CDCA4: variants seen among roughly 807,000 people sequenced by gnomAD.
The protein encoded by CDCA4 is cell division cycle associated 4, also known as cell division cycle-associated protein 4.
For missense variants in CDCA4, 294 were observed against 322.1 expected (o/e 0.91, Z 0.67); for synonymous variants, 130 against 137.0 (o/e 0.95, Z 0.36).
chr14:105,014,443 G>T (rs1485344111), intron 1 of CDCA4, among the ~76,000 whole-genome samples: 1 of 152,106 alleles, frequency 6.6e-6, no homozygotes, highest in Non-Finnish European at 1.5e-5. Flanking sequence ...TTCCCCTACA[G>T]CACCCATTTC....
At position 105,010,143 on chromosome 14, in the gene CDCA4, C is replaced by T. The variant is rs576869829; in HGVS notation, c.*1061G>A. The T allele has an allele frequency of 1.3e-5, 2 of 152,764 alleles. No homozygotes were observed. The highest frequency in any genetic ancestry group is 2.1e-4 in the South Asian group (1 of 4,832). The allele number at this position is 152,764 out of a possible 1,614,324, so 9.5% of individuals were successfully genotyped here. A position where few individuals can be genotyped will look rare whatever the true frequency, so the allele number is the denominator to read the frequency against. On this transcript the variant is annotated 3_prime_UTR_variant, in exon 2 of 2. Transcript: ENST00000336219. ...GCTCACTCCCTGCCTGCGGCAGCAC[C>T]CATGACACTACAGATCAAGGGGTTA...
At position 105,011,690 on chromosome 14, in the gene CDCA4, G is replaced by T. The variant is rs756663547; in HGVS notation, c.240C>A (p.Arg80=). ...GCTCTGCAGCCTGGGGTGCCACTGT[G>T]CGCCACGTCCCATCCTGCGTCATCT... ...QEEMTQDGTW[R]TVAPQAAERA... Residue 80 remains arginine (R), a synonymous_variant, in exon 2 of 2, where the codon CGC becomes CGA. Coordinates refer to ENST00000336219, the MANE Select transcript of CDCA4 (RefSeq NM_017955.4). The T allele has an allele frequency of 5.6e-6, 9 of 1,613,696 alleles. No homozygotes were observed. The highest frequency in any genetic ancestry group is 6.8e-6 in the Non-Finnish European group (8 of 1,179,982).
At chr14:105,012,148 C>T (rs2140908303) in intron 1 of CDCA4, among the ~76,000 whole-genome samples, 1 of 152,352 alleles carries the variant, frequency 6.6e-6, no homozygotes, top group South Asian at 2.1e-4. Flanking sequence ...CTGCCTAAGC[C>T]AGGCACAGTC....
At chr14:105,020,292 T>C (rs748684685) in intron 1 of CDCA4, among the ~76,000 whole-genome samples, 29 of 152,210 alleles carry the variant, frequency 1.9e-4, no homozygotes, top group African/African-American at 1.7e-4. Flanking sequence ...AGAGAACGGT[T>C]ATCTGGGTCC....
chr14:105,011,739 T>C lies in CDCA4; in HGVS notation c.191A>G (p.Asn64Ser), dbSNP rs1345604345. The change falls in exon 2 of 2, where the codon AAC (asparagine) becomes AGC (serine). Residue 64 changes from asparagine to serine, a missense_variant. Transcript: ENST00000336219. ...CTCCTCTTGGATCTGCCGGACCGTG[T>C]TGGCAATGAGGACTGAGCGGCACAG... ...PNLCRSVLIA[N>S]TVRQIQEEMT... The C allele has an allele frequency of 1.9e-6, 3 of 1,613,724 alleles. No individual in the cohort carries two copies. Among genetic ancestry groups the C allele is most frequent in the Admixed American group, 1.7e-5 (1 of 60,022 alleles).
In CDCA4 at chr14:105,011,657, C is replaced by A; in HGVS notation, c.273G>T (p.Pro91=). The A allele has an allele frequency of 6.2e-7, 1 of 1,613,500 alleles. No homozygotes were observed. Among genetic ancestry groups the A allele is most frequent in the East Asian group, 2.2e-5 (1 of 44,850 alleles). The change falls in exon 2 of 2, where the codon CCG becomes CCT. Residue 91 remains proline, a synonymous_variant. Coordinates refer to ENST00000336219, the MANE Select transcript of CDCA4 (RefSeq NM_017955.4). ...TCTCCGTGGAGACCAAGCGGTCGAG[C>A]GGCGCCCGCTCTGCAGCCTGGGGTG... ...TVAPQAAERA[P]LDRLVSTEIL...
At chr14:105,014,825 C>A (rs966034640) in intron 1 of CDCA4, among the ~76,000 whole-genome samples, 1 of 152,142 alleles carries the variant, frequency 6.6e-6, no homozygotes, top group Non-Finnish European at 1.5e-5. Flanking sequence ...CTCTTTCAAC[C>A]TATCTCAATC....
At chr14:105,012,051 G>T (rs1900521338) in intron 1 of CDCA4, 116 bp from the exon 2 acceptor site, 2 of 1,220,930 alleles carry the variant, frequency 1.6e-6, no homozygotes, top group African/African-American at 1.5e-5. Context: ...TCCGTAACTG[G>T]CAGGGACTTG....
intron 1 of CDCA4, among the ~76,000 whole-genome samples, chr14:105,016,420 G>T (rs182593471): frequency 2.3e-4 from 35 of 152,282 alleles, no homozygotes; most frequent in African/African-American, 7.7e-4. Context: ...CTTAGCCTCG[G>T]CTCTTTACTT....
At chr14:105,017,368 G>A (rs558439998) in intron 1 of CDCA4, among the ~76,000 whole-genome samples, 11 of 152,026 alleles carry the variant, frequency 7.2e-5, no homozygotes, top group South Asian at 2.1e-4. Flanking sequence ...GATTATAGGC[G>A]TGCACCACCA....
In CDCA4 at chr14:105,012,969, T is replaced by G. The variant is rs538316651; in HGVS notation, c.-6-1034A>C. Among the ~76,000 whole-genome samples, 5 of 152,228 alleles carry G rather than the reference T, an allele frequency of 3.3e-5. No individual in the cohort carries two copies. In the East Asian group the frequency reaches 7.7e-4, roughly 23 times the overall value. On this transcript the variant is annotated intron_variant, in intron 1 of 1. Coordinates refer to ENST00000336219, the MANE Select transcript of CDCA4 (RefSeq NM_017955.4). ...GCAGGGGGGGTGGGTTCCTCACCAG[T>G]GTGTTGTGGCAGCCCAGAGCTGGCC...
intron 1 of CDCA4, among the ~76,000 whole-genome samples, chr14:105,016,015 G>A (rs11160832): frequency 0.51 from 77,429 of 152,040 alleles, 22,579 homozygotes; most frequent in Non-Finnish European, 0.66. Flanking sequence ...GCCTCCATCA[G>A]CCATCCCTGA....
chr14:105,018,840 G>A (rs530690468), intron 1 of CDCA4, among the ~76,000 whole-genome samples: 6 of 151,720 alleles, frequency 4.0e-5, no homozygotes, highest in African/African-American at 1.5e-4. Context: ...AGGTTCAAGC[G>A]ATTCTCCTAC....
chr14:105,019,160 A>T (rs1044223323), intron 1 of CDCA4, among the ~76,000 whole-genome samples: 1 of 152,146 alleles, frequency 6.6e-6, no homozygotes, highest in Non-Finnish European at 1.5e-5. Flanking sequence ...TCAGGCTTCT[A>T]AACCAAGCAC....
Position 105,011,783 on chromosome 14 carries a change from G to A in CDCA4, c.147C>T (p.His49=). Residue 49 remains histidine, a synonymous_variant, in exon 2 of 2, where the codon CAC becomes CAT. Coordinates refer to ENST00000336219, the MANE Select transcript of CDCA4 (RefSeq NM_017955.4). The part of the protein sequence containing the change: ...DMSLVKLQLC[H]MLVEPNLCRS... ...GGCACAGGTTGGGCTCCACAAGCAT[G>A]TGGCAAAGCTGCAACTTCACCAGAG... The A allele has an allele frequency of 6.2e-7, 1 of 1,613,752 alleles. No homozygotes were observed. The highest frequency in any genetic ancestry group is 1.1e-5 in the South Asian group (1 of 91,084).
At chr14:105,020,555 C>T (rs1444407095) in intron 1 of CDCA4, among the ~76,000 whole-genome samples, 2 of 152,214 alleles carry the variant, frequency 1.3e-5, no homozygotes, top group Non-Finnish European at 2.9e-5. Context: ...GGCCTCCTCC[C>T]ACATCCGCGG....
rs2140907502 is a variant in CDCA4 at position 105,011,117 on chromosome 14, G to A, written c.*87C>T. 5 of 1,447,180 alleles carry A rather than the reference G, an allele frequency of 3.5e-6. No homozygotes were observed. The highest frequency in any genetic ancestry group is 2.8e-5 in the South Asian group (2 of 71,402). 89.6% of individuals were successfully genotyped at this position (1,447,180 alleles called of 1,614,324 possible). A position where few individuals can be genotyped will look rare whatever the true frequency, so the allele number is the denominator to read the frequency against. On this transcript the variant is annotated 3_prime_UTR_variant, in exon 2 of 2. Coordinates refer to ENST00000336219, the MANE Select transcript of CDCA4 (RefSeq NM_017955.4). Reference sequence around the variant, plus strand: ...TCAGCAGACAGGGCAGCAAGGCTGGGCCGCTGGCGGCAGGCGCACCCTCCG... The same window carrying A: ...TCAGCAGACAGGGCAGCAAGGCTGGACCGCTGGCGGCAGGCGCACCCTCCG...
chr14:105,019,465 A>G (rs1309751170), intron 1 of CDCA4, among the ~76,000 whole-genome samples: 1 of 152,188 alleles, frequency 6.6e-6, no homozygotes, highest in Non-Finnish European at 1.5e-5. Flanking sequence ...GACAGACTCA[A>G]CTCTGACCTA....
Position 105,011,029 on chromosome 14 carries a change from T to G in CDCA4, c.*175A>C. On this transcript the variant is annotated 3_prime_UTR_variant, in exon 2 of 2. Transcript: ENST00000336219. Reference sequence around the variant, plus strand: ...TGCCTGGCGCTCCACAGGGGGGAGGTGAGTGGGACGGGCCTAGGGCTGCAG... The same window carrying G: ...TGCCTGGCGCTCCACAGGGGGGAGGGGAGTGGGACGGGCCTAGGGCTGCAG... The G allele has an allele frequency of 4.1e-6, 3 of 728,102 alleles. No individual in the cohort carries two copies. The highest frequency in any genetic ancestry group is 1.9e-5 in the South Asian group (1 of 51,446). The allele number at this position is 728,102 out of a possible 1,614,324, so 45.1% of individuals were successfully genotyped here. A position where few individuals can be genotyped will look rare whatever the true frequency, so the allele number is the denominator to read the frequency against.
Sources: gnomAD v4.1 joint callset for allele counts (sites outside exome capture counted in the v4.1 genomes callset) on GRCh38, gnomAD v4.1.1 for gene constraint, MANE v1.5 for transcripts, NCBI Gene and HGNC (gene_info 2026-07-23, HGNC 2026-07-21) for gene names.